LARGE1: variants seen among roughly 807,000 people sequenced by gnomAD.
The protein encoded by LARGE1 is LARGE xylosyl- and glucuronyltransferase 1.
In LARGE1, 43 loss-of-function variants were observed where a neutral mutation model predicts 87.6. The observed-to-expected ratio is 0.49, with a 90% CI of 0.38 to 0.63. The LOEUF is 0.63. Among genes scored for constraint, LARGE1 ranks in the 30% least tolerant of loss-of-function variants. The pLI is 0.00. For missense variants in LARGE1, 802 were observed against 1,000.2 expected, an observed-to-expected ratio of 0.80 and a Z score of 2.67; for synonymous variants, 434 against 394.6, an observed-to-expected ratio of 1.10 and a Z score of -1.18.
At chr22:33,166,294 C>T (rs1922262500) in exon 12 of LARGE1, 1 of 155,108 alleles carries the variant, frequency 6.4e-6, no homozygotes, top group Admixed American at 6.5e-5. Context: ...CATCCCAGGC[C>T]CCTCCCAGCC....
At chr22:33,157,886 T>C (rs1233862367), downstream of LARGE1, among the ~76,000 whole-genome samples, 1 of 152,174 alleles carries the variant, frequency 6.6e-6, no homozygotes, top group Non-Finnish European at 1.5e-5. Context: ...AGGAAATGAC[T>C]GCCAACCTAG....
At position 33,235,984 on chromosome 22, in the gene LARGE1, T is replaced by C. The variant is rs546749209; in HGVS notation, c.1730+68245A>G. On this transcript the variant is annotated intron_variant, in intron 11 of 11. Transcript: ENST00000608642. ...TGACTGGTATTCTTATAAGAGGAGA[T>C]ATTCAGACAAAGAGAGATGCAGGGA... Among the ~76,000 whole-genome samples, 4 of 152,228 alleles carry C rather than the reference T, an allele frequency of 2.6e-5. No individual in the cohort carries two copies. The East Asian group carries it at 7.7e-4, about 29-fold the overall frequency.
chr22:33,301,479 C>A (rs1436750447), intron 12 of LARGE1, among the ~76,000 whole-genome samples: 1 of 152,090 alleles, frequency 6.6e-6, no homozygotes, highest in Non-Finnish European at 1.5e-5. Flanking sequence ...TAGTTGCCAA[C>A]ATTAAAAAAA....
At chr22:33,359,174 T>C (rs1231434622) in intron 9 of LARGE1, among the ~76,000 whole-genome samples, 1 of 152,120 alleles carries the variant, frequency 6.6e-6, no homozygotes, top group Non-Finnish European at 1.5e-5. Context: ...CATTATGTTA[T>C]ATATCATGTT....
At chr22:33,457,047 T>C (rs1024610121) in intron 6 of LARGE1, among the ~76,000 whole-genome samples, 5 of 152,120 alleles carry the variant, frequency 3.3e-5, no homozygotes, top group African/African-American at 1.2e-4. Context: ...TGGTAGTCAC[T>C]TGTATAGCAT....
rs1936132211 is a variant in LARGE1 at position 33,316,157 on chromosome 22, A to C, written c.1379T>G (p.Phe460Cys). 1.2e-6 allele frequency: 2 copies of C among 1,613,996 alleles called. No homozygotes were observed. Among genetic ancestry groups the C allele is most frequent in the Non-Finnish European group, 1.7e-6 (2 of 1,180,016 alleles). ...TGCAGGCTCATACTCGTAGTGCAGG[A>C]AGTACAGGTGGGTGCGGTGGACAGT... The part of the protein sequence containing the change: ...RFTVHRTHLY[F>C]LHYEYEPAAD... The change falls in exon 11 of 15, where the codon TTC (phenylalanine) becomes TGC (cysteine). Residue 460 changes from phenylalanine (F) to cysteine (C), a missense_variant. Physicochemically the swap from Phe to Cys is radical, Grantham distance 205 (BLOSUM62 -2). Transcript: ENST00000397394.
chr22:33,893,751 T>A (rs1245781562), intron 1 of LARGE1, among the ~76,000 whole-genome samples: 1 of 152,166 alleles, frequency 6.6e-6, no homozygotes, highest in Admixed American at 6.5e-5. Flanking sequence ...CACAAGGTGT[T>A]TGCAATCTAA....
chr22:33,318,060 C>A (rs988834339), intron 10 of LARGE1, among the ~76,000 whole-genome samples: 1 of 151,826 alleles, frequency 6.6e-6, no homozygotes, highest in African/African-American at 2.4e-5. Flanking sequence ...GATGGTGACA[C>A]CCCGTCTCTA....
intron 1 of LARGE1, among the ~76,000 whole-genome samples, chr22:33,909,942 TC>T (rs2065579673): frequency 6.6e-6 from 1 of 152,122 alleles, no homozygotes; most frequent in Non-Finnish European, 1.5e-5. Context: ...CCTCCCTTAA[TC>T]CTTCCATTCA....
At chr22:33,504,874 T>A (rs1248337251) in intron 6 of LARGE1, among the ~76,000 whole-genome samples, 1 of 152,230 alleles carries the variant, frequency 6.6e-6, no homozygotes, top group Non-Finnish European at 1.5e-5. Context: ...ACAAGTGGCA[T>A]TTGAAAGCAC....
chr22:33,080,200 T>G, the LARGE1 span, among the ~76,000 whole-genome samples: 1 of 152,232 alleles, frequency 6.6e-6, no homozygotes, highest in Admixed American at 6.5e-5. Flanking sequence ...ACTTATGTAG[T>G]GTCTACTATG....
At chr22:33,840,785 T>C (rs909798629) in intron 1 of LARGE1, among the ~76,000 whole-genome samples, 1 of 151,994 alleles carries the variant, frequency 6.6e-6, no homozygotes, top group Non-Finnish European at 1.5e-5. Flanking sequence ...ACCATGACCA[T>C]CTAATTTTTC....
intron 7 of LARGE1, among the ~76,000 whole-genome samples, chr22:33,399,600 G>GT (rs1377139973): frequency 6.6e-6 from 1 of 152,146 alleles, no homozygotes; most frequent in African/African-American, 2.4e-5. Flanking sequence ...CCAGGCTGGA[G>GT]TGCAATGGTG....
Position 33,622,109 on chromosome 22 carries a change from A to G in LARGE1, c.491+4135T>C, listed in dbSNP as rs568854852. Among the ~76,000 whole-genome samples, 8 of 152,302 alleles carry G rather than the reference A, an allele frequency of 5.3e-5. No individual in the cohort carries two copies. In the South Asian group the frequency reaches 1.7e-3, roughly 32 times the overall value. On this transcript the variant is annotated intron_variant, in intron 4 of 14. Transcript: ENST00000397394. ...ACCCCCACTGGAGGTTGTTAGGGAA[A>G]GGGTGCTGATATGGTTAGGCTTTGT...
At chr22:33,459,968 C>T (rs2068307126) in intron 6 of LARGE1, among the ~76,000 whole-genome samples, 1 of 152,220 alleles carries the variant, frequency 6.6e-6, no homozygotes, top group Non-Finnish European at 1.5e-5. Flanking sequence ...CTGATAAGTG[C>T]TACAGAATCT....
At chr22:33,163,660 G>T (rs1199136920) in exon 12 of LARGE1, 2 of 152,258 alleles carry the variant, frequency 1.3e-5, no homozygotes, top group Non-Finnish European at 2.9e-5. Flanking sequence ...TCCAGTGTAA[G>T]AAATGCATCG....
At chr22:33,465,132 A>G (rs2068553800) in intron 6 of LARGE1, among the ~76,000 whole-genome samples, 1 of 152,262 alleles carries the variant, frequency 6.6e-6, no homozygotes, top group African/African-American at 2.4e-5. Flanking sequence ...GAAATGAATG[A>G]ACTCAGTTTA....
intron 7 of LARGE1, among the ~76,000 whole-genome samples, chr22:33,431,904 A>G (rs775496779): frequency 2.0e-4 from 30 of 152,352 alleles, no homozygotes; most frequent in Non-Finnish European, 2.6e-4. Flanking sequence ...AAGATATCCA[A>G]TAGGATCTGG....
At chr22:33,337,900 T>C in intron 9 of LARGE1, 99 bp from the exon 10 acceptor site, 1 of 1,304,734 alleles carries the variant, frequency 7.7e-7, no homozygotes, top group Non-Finnish European at 1.1e-6. Flanking sequence ...CTAAGCATTA[T>C]TTGAGGGTCT....
Sources: gnomAD v4.1 joint callset for allele counts (sites outside exome capture counted in the v4.1 genomes callset) on GRCh38, gnomAD v4.1.1 for gene constraint, MANE v1.5 for transcripts, NCBI Gene and HGNC (gene_info 2026-07-23, HGNC 2026-07-21) for gene names.